Variants in RAB27A observed in about 807,000 individuals in gnomAD.
The protein encoded by RAB27A is ras-related protein Rab-27A.
RAB27A carries 17 observed loss-of-function variants against 20.8 expected under a neutral mutation model. The ratio of observed to expected loss-of-function variants is 0.82; its 90% CI spans 0.56 to 1.23. The LOEUF is 1.23. Ranked by LOEUF, RAB27A falls within the 50% of genes most tolerant of loss-of-function variation. RAB27A has a pLI of 0.00. For missense variants in RAB27A, 277 were observed against 266.7 expected (o/e 1.04, Z -0.27); for synonymous variants, 85 against 92.8 (o/e 0.92, Z 0.48).
At chr15:55,316,679 T>C (rs1440203597) in intron 1 of RAB27A, among the ~76,000 whole-genome samples, 1 of 152,150 alleles carries the variant, frequency 6.6e-6, no homozygotes, top group African/African-American at 2.4e-5. Flanking sequence ...ATTTTAACTA[T>C]ATGAATAATA....
At chr15:55,256,185 T>C (rs1280379343) in intron 2 of RAB27A, among the ~76,000 whole-genome samples, 1 of 152,102 alleles carries the variant, frequency 6.6e-6, no homozygotes, top group South Asian at 2.1e-4. Flanking sequence ...GAGACTGAGG[T>C]AGGAGGATCA....
In RAB27A at chr15:55,258,204, T is replaced by A. The variant is rs890323247; in HGVS notation, c.-23+11961A>T. On this transcript the variant is annotated intron_variant, in intron 2 of 6. Transcript: ENST00000336787. ...ATAAGAGGTTAGAACCCTTCTCTTA[T>A]TACCCTTATCTAATTACTTAATGTC... Among the ~76,000 whole-genome samples, 5 of 152,146 alleles carry A rather than the reference T, an allele frequency of 3.3e-5. No homozygotes were observed. In the South Asian group the frequency reaches 1.0e-3, roughly 32 times the overall value.
intron 2 of RAB27A, among the ~76,000 whole-genome samples, chr15:55,236,949 T>G (rs1049843891): frequency 2.0e-5 from 3 of 152,132 alleles, no homozygotes; most frequent in African/African-American, 7.2e-5. Flanking sequence ...AACTTATTCT[T>G]TCCATCTAAC....
intron 2 of RAB27A, among the ~76,000 whole-genome samples, chr15:55,258,544 T>C (rs1386576391): frequency 3.9e-5 from 6 of 152,170 alleles, no homozygotes; most frequent in Non-Finnish European, 8.8e-5. Context: ...TCCTCTAGGG[T>C]AGGCGTCAAA....
intron 2 of RAB27A, chr15:55,269,804 T>G (rs1165401075): frequency 6.6e-6 from 1 of 152,064 alleles, no homozygotes; most frequent in East Asian, 1.9e-4. Context: ...AAAACACCAA[T>G]AAGCTTGAAT....
intron 2 of RAB27A, among the ~76,000 whole-genome samples, chr15:55,257,696 A>G (rs906255017): frequency 6.6e-6 from 1 of 152,242 alleles, no homozygotes; most frequent in South Asian, 2.1e-4. Flanking sequence ...ATGTATCTCA[A>G]TGAAAACACA....
At chr15:55,276,327 G>A (rs1336247403) in intron 1 of RAB27A, among the ~76,000 whole-genome samples, 3 of 152,122 alleles carry the variant, frequency 2.0e-5, no homozygotes, top group African/African-American at 7.2e-5. Context: ...ACAGATAGGT[G>A]GAAGATATTA....
intron 3 of RAB27A, among the ~76,000 whole-genome samples, chr15:55,231,247 C>T (rs959308731): frequency 1.3e-5 from 2 of 152,184 alleles, no homozygotes; most frequent in African/African-American, 4.8e-5. Context: ...AGTTCCATGA[C>T]TTTGCTATTG....
intron 2 of RAB27A, among the ~76,000 whole-genome samples, chr15:55,266,428 T>C (rs1897488258): frequency 6.6e-6 from 1 of 152,232 alleles, no homozygotes; most frequent in African/African-American, 2.4e-5. Context: ...GTTTGAATTG[T>C]GTTGGTGACA....
chr15:55,218,070 T>C lies in RAB27A; in HGVS notation c.467+5819A>G, dbSNP rs150715371. ...TTATTCTCACAAAACTAAAAGATCCTAAATCTCAGTTAGAGGTTGCCAGGA... is the reference window on the plus strand; with the variant it reads ...TTATTCTCACAAAACTAAAAGATCCCAAATCTCAGTTAGAGGTTGCCAGGA... On this transcript the variant is annotated intron_variant, in intron 6 of 6. Transcript: ENST00000336787. 7.6e-3 allele frequency among the ~76,000 whole-genome samples: 1,157 copies of C among 152,342 alleles called. 12 individuals carry two copies. Among genetic ancestry groups the C allele is most frequent in the African/African-American group, 0.026 (1,092 of 41,566 alleles).
chr15:55,282,912 C>CAATA (rs1266983060), intron 1 of RAB27A, among the ~76,000 whole-genome samples: 4 of 120,312 alleles, frequency 3.3e-5, no homozygotes, highest in Non-Finnish European at 6.4e-5. Flanking sequence ...CGTGTGGAGA[C>CAATA]AATAAATAAA....
intron 2 of RAB27A, among the ~76,000 whole-genome samples, chr15:55,297,466 AACTTTCATAGC>A (rs1228111885): frequency 6.6e-6 from 1 of 152,230 alleles, no homozygotes; most frequent in Non-Finnish European, 1.5e-5. Flanking sequence ...CTGTAACTGC[AACTTTCATAGC>A]ACCATGGGGT....
At chr15:55,286,659 C>A (rs1283950326) in intron 1 of RAB27A, among the ~76,000 whole-genome samples, 7 of 152,078 alleles carry the variant, frequency 4.6e-5, no homozygotes, top group Non-Finnish European at 8.8e-5. Context: ...GCAGATGAAG[C>A]CGCACTCCAT....
chr15:55,209,794 A>ATG (rs560649392), intron 6 of RAB27A, among the ~76,000 whole-genome samples: 4 of 130,614 alleles, frequency 3.1e-5, no homozygotes, highest in Non-Finnish European at 4.6e-5. Context: ...ATATGTGTGT[A>ATG]TGTATACATA....
intron 1 of RAB27A, among the ~76,000 whole-genome samples, chr15:55,288,558 A>T (rs920578649): frequency 2.0e-5 from 3 of 152,092 alleles, no homozygotes; most frequent in African/African-American, 7.2e-5. Context: ...AATATACTTC[A>T]ACGAAATTAA....
chr15:55,250,605 T>C (rs747869947), intron 2 of RAB27A, among the ~76,000 whole-genome samples: 1 of 152,210 alleles, frequency 6.6e-6, no homozygotes, highest in Non-Finnish European at 1.5e-5. Context: ...CAACAGTCAA[T>C]TGAGCAATAA....
At chr15:55,216,799 C>T (rs968733803) in intron 6 of RAB27A, among the ~76,000 whole-genome samples, 1 of 152,140 alleles carries the variant, frequency 6.6e-6, no homozygotes, top group Non-Finnish European at 1.5e-5. Context: ...GGCCAAAGTG[C>T]TTTGTGCCTC....
At position 55,235,356 on chromosome 15, in the gene RAB27A, G is replaced by A. The variant is rs926928417; in HGVS notation, c.-22-400C>T. 8.5e-5 allele frequency among the ~76,000 whole-genome samples: 13 copies of A among 152,200 alleles called. 1 individual carries two copies. Among genetic ancestry groups the A allele is most frequent in the African/African-American group, 3.1e-4 (13 of 41,510 alleles). On this transcript the variant is annotated intron_variant, in intron 2 of 6. Coordinates refer to ENST00000336787, the MANE Select transcript of RAB27A (RefSeq NM_183235.3). The stretch of plus-strand genomic sequence containing the variant: ...CCAGCTACTCAGGAGGCTGAGGCAG[G>A]AGAATCACTTGAACCTGGGAGGTGG...
Position 55,207,328 on chromosome 15 carries a change from G to A in RAB27A, c.468-1623C>T, listed in dbSNP as rs188766935. On this transcript the variant is annotated intron_variant, in intron 6 of 6. Transcript: ENST00000336787. ...AAGCAGAGCCAAGGCATGTTGATGG[G>A]CAGGAAGTGAGTTACAGGGATACAT... 4.6e-5 allele frequency among the ~76,000 whole-genome samples: 7 copies of A among 152,326 alleles called. No individual in the cohort carries two copies. The East Asian group carries it at 1.3e-3, about 29-fold the overall frequency.
Sources: gnomAD v4.1 joint callset for allele counts (sites outside exome capture counted in the v4.1 genomes callset) on GRCh38, gnomAD v4.1.1 for gene constraint, MANE v1.5 for transcripts, NCBI Gene and HGNC (gene_info 2026-07-23, HGNC 2026-07-21) for gene names.